PRMT3: variants seen among roughly 807,000 people sequenced by gnomAD.
The protein encoded by PRMT3 is protein arginine N-methyltransferase 3.
A neutral mutation model predicts 71.9 loss-of-function variants in PRMT3; 62 were observed. The observed-to-expected ratio is 0.86, with a 90% CI of 0.70 to 1.07. PRMT3 has a LOEUF of 1.07. PRMT3 is among the 50% of genes least tolerant of loss of function. The pLI, the probability that PRMT3 is intolerant of heterozygous loss-of-function variation, is 0.00. For synonymous variants in PRMT3, 213 were observed against 220.4 expected (o/e 0.97, Z 0.30); for missense variants, 663 against 643.0 (o/e 1.03, Z -0.34).
intron 7 of PRMT3, among the ~76,000 whole-genome samples, chr11:20,399,432 AATAG>A (rs1848900995): frequency 2.6e-5 from 4 of 152,202 alleles, no homozygotes; most frequent in Admixed American, 2.6e-4. Flanking sequence ...CATTATAAAT[AATAG>A]ATATGTTATT....
chr11:20,479,144 T>C (rs559945190), intron 13 of PRMT3, among the ~76,000 whole-genome samples: 1 of 152,338 alleles, frequency 6.6e-6, no homozygotes, highest in African/African-American at 2.4e-5. Flanking sequence ...GGTTTTAGGC[T>C]CCTCCTTGTG....
chr11:20,434,299 C>T (rs1235722255), intron 10 of PRMT3, among the ~76,000 whole-genome samples: 1 of 152,140 alleles, frequency 6.6e-6, no homozygotes, highest in Admixed American at 6.5e-5. Flanking sequence ...GCATAGTTTG[C>T]AAATATTTTC....
chr11:20,468,818 T>A lies in PRMT3; in HGVS notation c.1347+4272T>A, dbSNP rs555272867. On this transcript the variant is annotated intron_variant, in intron 13 of 15. Coordinates refer to ENST00000331079, the MANE Select transcript of PRMT3 (RefSeq NM_005788.4). ...GCTATAGACTGATAATGCTTTTAGA[T>A]AGCTTCTTGAAGATTATTAGAACCT... Among the ~76,000 whole-genome samples, 258 of 152,350 alleles carry A rather than the reference T, an allele frequency of 1.7e-3. 3 individuals are homozygous for A. Among genetic ancestry groups the A allele is most frequent in the African/African-American group, 5.9e-3 (246 of 41,578 alleles).
intron 9 of PRMT3, among the ~76,000 whole-genome samples, chr11:20,423,873 TAAAAAAAA>T (rs58636447): frequency 1.1e-4 from 3 of 27,100 alleles, no homozygotes; most frequent in African/African-American, 3.4e-4. Flanking sequence ...GATTCTCTCT[TAAAAAAAA>T]AAAAAAAAAA....
rs1223112233 is a variant in PRMT3, at chr11:20,462,024, G to A, written c.1117G>A (p.Val373Met). The change falls in exon 12 of 16, where the codon GTG (valine) becomes ATG (methionine). Residue 373 changes from valine (V) to methionine (M), a missense_variant. Transcript: ENST00000331079. ...CTISLVAVSD[V>M]NKHADRIAFW... ...TATCAGCCTTGTAGCAGTGAGTGAT[G>A]TGAATAAACATGCTGATAGAATTGC... 1 of 1,611,214 alleles carries A rather than the reference G, an allele frequency of 6.2e-7. No individual in the cohort carries two copies. The highest frequency in any genetic ancestry group is 1.1e-5 in the South Asian group (1 of 90,604).
intron 10 of PRMT3, 72 bp downstream of exon 10, chr11:20,426,937 A>T (rs1335521096): frequency 6.9e-7 from 1 of 1,440,466 alleles, no homozygotes; most frequent in African/African-American, 1.5e-5. Context: ...AGTTTTCATG[A>T]ATTTAATTAT....
chr11:20,494,126 T>C, intron 14 of PRMT3, 41 bp from the exon 15 acceptor site: 2 of 1,536,886 alleles, frequency 1.3e-6, no homozygotes, highest in Middle Eastern at 1.7e-4. Flanking sequence ...ATATTAAAAA[T>C]CTTGTACTTC....
chr11:20,394,543 A>G lies in PRMT3; in HGVS notation c.401-1260A>G, dbSNP rs1049556653. On this transcript the variant is annotated intron_variant, in intron 5 of 15. Transcript: ENST00000331079. Reference sequence around the variant, plus strand: ...GATTTGATATGCATATACATTGTGAAATGATTACCATAACCAAGCTGATTA... The same window carrying G: ...GATTTGATATGCATATACATTGTGAGATGATTACCATAACCAAGCTGATTA... Among the ~76,000 whole-genome samples, 4 of 152,192 alleles carry G rather than the reference A, an allele frequency of 2.6e-5. No individual in the cohort carries two copies. The East Asian group carries it at 7.7e-4, about 29-fold the overall frequency.
chr11:20,450,685 C>A (rs963713762), intron 10 of PRMT3, among the ~76,000 whole-genome samples: 3 of 152,014 alleles, frequency 2.0e-5, no homozygotes, highest in African/African-American at 4.8e-5. Flanking sequence ...GTAGAGTTGC[C>A]GGCAATTCAG....
At chr11:20,445,585 T>C (rs1850007986) in intron 10 of PRMT3, among the ~76,000 whole-genome samples, 1 of 152,104 alleles carries the variant, frequency 6.6e-6, no homozygotes, top group Admixed American at 6.6e-5. Context: ...ACAGGTACAG[T>C]AATAACGAAT....
chr11:20,387,956 T>A lies in PRMT3; in HGVS notation c.29-63T>A. 1 of 1,608,366 alleles carries A rather than the reference T, an allele frequency of 6.2e-7. No individual in the cohort carries two copies. Among genetic ancestry groups the A allele is most frequent in the Non-Finnish European group, 8.5e-7 (1 of 1,177,086 alleles). ...CGGAGGAGAGCCCATCGTCACCTGC[T>A]CCTCGAGCCCCCGGGCCGCACCGGT... On this transcript the variant is annotated intron_variant, in intron 1 of 15. Coordinates refer to ENST00000331079, the MANE Select transcript of PRMT3 (RefSeq NM_005788.4). This position sits in a 1 kb window ranked among gnomAD's most constrained non-coding sequence, Gnocchi z 4.3.
At chr11:20,484,564 A>T (rs1406797572) in intron 13 of PRMT3, among the ~76,000 whole-genome samples, 1 of 152,166 alleles carries the variant, frequency 6.6e-6, no homozygotes, top group Admixed American at 6.6e-5. Flanking sequence ...GGGAGTTTTC[A>T]TACACAAACT....
chr11:20,398,259 A>G (rs930515492), intron 7 of PRMT3, among the ~76,000 whole-genome samples: 6 of 152,152 alleles, frequency 3.9e-5, no homozygotes, highest in Admixed American at 3.3e-4. Flanking sequence ...TGTTTGGGCC[A>G]ATAATAATTC....
intron 13 of PRMT3, among the ~76,000 whole-genome samples, chr11:20,477,426 G>A (rs969739807): frequency 4.6e-5 from 7 of 152,014 alleles, no homozygotes; most frequent in Admixed American, 4.6e-4. Context: ...GCATGGTGGT[G>A]CATGTCTATA....
chr11:20,423,057 T>G (rs563833328), intron 9 of PRMT3, among the ~76,000 whole-genome samples: 1 of 152,186 alleles, frequency 6.6e-6, no homozygotes, highest in Non-Finnish European at 1.5e-5. Context: ...CCTGATTCCC[T>G]GTATTTTAAA....
intron 10 of PRMT3, among the ~76,000 whole-genome samples, chr11:20,429,596 GA>G (rs1346540534): frequency 6.6e-6 from 1 of 152,302 alleles, no homozygotes; most frequent in East Asian, 1.9e-4. Context: ...AACCAGTAAT[GA>G]AAAACAAATC....
intron 11 of PRMT3, among the ~76,000 whole-genome samples, chr11:20,454,281 A>G (rs1850218030): frequency 6.6e-6 from 1 of 152,174 alleles, no homozygotes; most frequent in South Asian, 2.1e-4. Flanking sequence ...GGGAAGATCC[A>G]AGTAACTGTT....
intron 15 of PRMT3, among the ~76,000 whole-genome samples, chr11:20,495,298 G>A (rs920037541): frequency 1.6e-4 from 25 of 152,240 alleles, no homozygotes; most frequent in Non-Finnish European, 2.2e-4. Flanking sequence ...TTACAGACAT[G>A]AGCCACCGCA....
intron 15 of PRMT3, among the ~76,000 whole-genome samples, chr11:20,502,206 ACAACAT>A (rs1329956424): frequency 6.6e-6 from 1 of 152,226 alleles, no homozygotes; most frequent in Non-Finnish European, 1.5e-5. Flanking sequence ...CACACACTTA[ACAACAT>A]CAGTCATTTT....
Sources: allele counts gnomAD v4.1 joint callset (sites outside exome capture counted in the v4.1 genomes callset), GRCh38; gene constraint gnomAD v4.1.1; non-coding constraint Gnocchi (gnomAD v3.1); transcripts MANE v1.5; gene names NCBI Gene and HGNC (gene_info 2026-07-23, HGNC 2026-07-21).